Variants in GPC6 observed in about 807,000 individuals in gnomAD.
GPC6 encodes the protein glypican 6.
Under a neutral mutation model 55.2 loss-of-function variants are expected in GPC6, and 14 were observed. The observed-to-expected ratio is 0.25, with a 90% CI of 0.17 to 0.40. The LOEUF (loss-of-function observed/expected upper bound fraction) is 0.40, where lower values mean the gene tolerates loss of function less well. GPC6 is among the 10% of genes least tolerant of loss of function. The pLI is 1.00. For synonymous variants in GPC6, 278 were observed against 259.6 expected (o/e 1.07, Z -0.68); for missense variants, 641 against 708.5 (o/e 0.90, Z 1.08).
chr13:93,659,490 T>C lies in GPC6; in HGVS notation c.319+114069T>C, dbSNP rs376166028. Among the ~76,000 whole-genome samples, 20 of 152,070 alleles carry C rather than the reference T, an allele frequency of 1.3e-4. No individual in the cohort carries two copies. In the East Asian group the frequency reaches 1.5e-3, roughly 12 times the overall value. ...AACCAGGAGTATTTGGCATCCTAAT[T>C]ATATATGACCTGAACTGAATCATTT... On this transcript the variant is annotated intron_variant, in intron 2 of 8. Coordinates refer to ENST00000377047, the MANE Select transcript of GPC6 (RefSeq NM_005708.5).
chr13:94,012,151 A>G (rs1882271697), intron 3 of GPC6, among the ~76,000 whole-genome samples: 1 of 152,194 alleles, frequency 6.6e-6, no homozygotes, highest in South Asian at 2.1e-4. Context: ...GGAAGTTTCC[A>G]AGTAATGTTC....
At chr13:93,299,059 A>T (rs1878591288) in intron 1 of GPC6, among the ~76,000 whole-genome samples, 2 of 152,166 alleles carry the variant, frequency 1.3e-5, no homozygotes, top group Non-Finnish European at 2.9e-5. Flanking sequence ...TTTATTGAAT[A>T]CATGATCTCA....
intron 4 of GPC6, among the ~76,000 whole-genome samples, chr13:94,209,916 G>GCT (rs1890025041): frequency 6.6e-6 from 1 of 152,060 alleles, no homozygotes; most frequent in South Asian, 2.1e-4. Flanking sequence ...CACGAACACA[G>GCT]CTCACTACAG....
chr13:94,263,718 A>G (rs1342662317), intron 4 of GPC6, among the ~76,000 whole-genome samples: 1 of 152,202 alleles, frequency 6.6e-6, no homozygotes, highest in African/African-American at 2.4e-5. Context: ...AAGAAAATCT[A>G]CTTTTCCCTT....
intron 1 of GPC6, among the ~76,000 whole-genome samples, chr13:93,244,090 T>C (rs142779557): frequency 5.3e-4 from 80 of 152,188 alleles, no homozygotes; most frequent in African/African-American, 1.9e-3. Context: ...GGAGCCCTGA[T>C]GGGAGTCAGT....
chr13:94,272,991 C>T (rs1264387312), intron 4 of GPC6, among the ~76,000 whole-genome samples: 1 of 152,080 alleles, frequency 6.6e-6, no homozygotes, highest in East Asian at 1.9e-4. Context: ...AAGGTTTTGT[C>T]ATTTCAGGGA....
At chr13:94,186,625 G>A (rs1246542249) in intron 4 of GPC6, among the ~76,000 whole-genome samples, 1 of 152,122 alleles carries the variant, frequency 6.6e-6, no homozygotes, top group Non-Finnish European at 1.5e-5. Context: ...GCCTCAAGTG[G>A]TCAAAATGAC....
chr13:94,037,890 G>A (rs1053316367), intron 4 of GPC6, among the ~76,000 whole-genome samples: 1 of 151,980 alleles, frequency 6.6e-6, no homozygotes, highest in Non-Finnish European at 1.5e-5. Context: ...TACCAGCATA[G>A]CAGCCACTAG....
At chr13:93,724,796 T>G (rs893240407) in intron 2 of GPC6, among the ~76,000 whole-genome samples, 1 of 152,168 alleles carries the variant, frequency 6.6e-6, no homozygotes, top group African/African-American at 2.4e-5. Flanking sequence ...AAAGGTGCGA[T>G]CATTCATTGA....
chr13:94,060,379 G>A (rs1160013632), intron 4 of GPC6, among the ~76,000 whole-genome samples: 2 of 152,114 alleles, frequency 1.3e-5, no homozygotes, highest in African/African-American at 4.8e-5. Context: ...ATAAACCCCA[G>A]GTGCCTAAAA....
intron 3 of GPC6, among the ~76,000 whole-genome samples, chr13:93,985,522 C>A (rs1474115239): frequency 1.3e-5 from 2 of 150,442 alleles, no homozygotes; most frequent in Admixed American, 6.6e-5. Context: ...AACAAACAAA[C>A]AAAAAAACCA....
chr13:93,914,121 T>C (rs1031447556), intron 3 of GPC6, among the ~76,000 whole-genome samples: 9 of 152,324 alleles, frequency 5.9e-5, no homozygotes, highest in Non-Finnish European at 1.2e-4. Flanking sequence ...AACGTGCAGG[T>C]TAGTTACATA....
intron 3 of GPC6, among the ~76,000 whole-genome samples, chr13:93,905,462 G>T (rs1687498476): frequency 6.6e-6 from 1 of 152,098 alleles, no homozygotes; most frequent in African/African-American, 2.4e-5. Context: ...TTAAAAGGCT[G>T]GCACAAGTTA....
intron 1 of GPC6, among the ~76,000 whole-genome samples, chr13:93,393,125 TATAGAGAGAGAGAGAGAG>T (rs1875701815): frequency 1.0e-5 from 1 of 96,736 alleles, no homozygotes; most frequent in Non-Finnish European, 2.2e-5. Flanking sequence ...TATATATATA[TATAGAGAGAGAGAGAGAG>T]AGAGAGAGAG....
At chr13:93,845,591 CA>C (rs1474961749) in intron 3 of GPC6, among the ~76,000 whole-genome samples, 1 of 141,884 alleles carries the variant, frequency 7.0e-6, no homozygotes, top group African/African-American at 2.7e-5. Context: ...CCCAAATGTC[CA>C]ATAATGATAG....
intron 6 of GPC6, among the ~76,000 whole-genome samples, chr13:94,317,720 TAA>T (rs1876611500): frequency 6.6e-6 from 1 of 152,226 alleles, no homozygotes; most frequent in Admixed American, 6.5e-5. Context: ...AATCATTTTT[TAA>T]AGTTTCCTTT....
At chr13:94,179,101 A>C (rs565431578) in intron 4 of GPC6, among the ~76,000 whole-genome samples, 10 of 152,234 alleles carry the variant, frequency 6.6e-5, no homozygotes, top group African/African-American at 2.4e-4. Context: ...TGGAAACCCC[A>C]TGGTTGGTAG....
At chr13:93,686,683 A>C (rs1013322841) in intron 2 of GPC6, among the ~76,000 whole-genome samples, 2 of 152,178 alleles carry the variant, frequency 1.3e-5, no homozygotes, top group African/African-American at 4.8e-5. Flanking sequence ...AATTGTTAAA[A>C]GAGTCATATA....
In GPC6 at chr13:93,556,342, AT is replaced by A. The variant is rs1027139639; in HGVS notation, c.319+10928del. 9.5e-5 allele frequency among the ~76,000 whole-genome samples: 13 copies of A among 136,290 alleles called. No homozygotes were observed. In the South Asian group the frequency reaches 1.6e-3, roughly 17 times the overall value. The allele number at this position is 136,290 out of a possible 152,430, so 89.4% of individuals were successfully genotyped here. On this transcript the variant is annotated intron_variant, in intron 2 of 8. Coordinates refer to ENST00000377047, the MANE Select transcript of GPC6 (RefSeq NM_005708.5). ...GTTTTGAAGCGCAGTATCTTATTTT[AT>A]TTTTTTATTTTTAATTTTTGTGGGT...
Sources: allele counts gnomAD v4.1 joint callset (sites outside exome capture counted in the v4.1 genomes callset), GRCh38; gene constraint gnomAD v4.1.1; transcripts MANE v1.5; gene names NCBI Gene and HGNC (gene_info 2026-07-23, HGNC 2026-07-21).